The following GPALPP1 variants were observed in gnomAD, a reference collection of about 807,000 sequenced individuals.
GPALPP1 encodes the protein GPALPP motifs containing 1.
Under a neutral mutation model 38.9 loss-of-function variants are expected in GPALPP1, and 30 were observed. That is an observed-to-expected ratio of 0.77 (90% CI 0.58 to 1.05). The LOEUF is 1.05. Among genes scored for constraint, GPALPP1 ranks in the 50% least tolerant of loss-of-function variants. The probability of loss-of-function intolerance (pLI) is 0.00; values close to 1 mark genes in which losing one functional copy is unlikely to be tolerated. For missense variants in GPALPP1, 384 were observed against 408.8 expected (o/e 0.94, Z 0.52); for synonymous variants, 120 against 139.2 (o/e 0.86, Z 0.97).
chr13:44,993,612 G>A (rs1873012216), intron 1 of GPALPP1, among the ~76,000 whole-genome samples: 1 of 151,592 alleles, frequency 6.6e-6, no homozygotes, highest in South Asian at 2.1e-4. Context: ...TACCTGGGAG[G>A]TAGAGGTTGC....
At chr13:45,019,082 A>T (rs9567516) in intron 6 of GPALPP1, among the ~76,000 whole-genome samples, 75,038 of 114,496 alleles carry the variant, frequency 0.66, 29,058 homozygotes, top group Non-Finnish European at 0.81. Flanking sequence ...TATACATATA[A>T]ATATATGTAT....
At chr13:45,021,255 A>G (rs1875409103) in intron 7 of GPALPP1, among the ~76,000 whole-genome samples, 1 of 152,224 alleles carries the variant, frequency 6.6e-6, no homozygotes, top group African/African-American at 2.4e-5. Flanking sequence ...CCAGTGTATT[A>G]AAGAAAATTC....
chr13:44,992,931 T>C (rs1052153626), intron 1 of GPALPP1, among the ~76,000 whole-genome samples: 4 of 152,200 alleles, frequency 2.6e-5, no homozygotes, highest in African/African-American at 9.7e-5. Flanking sequence ...CCTATTCCCA[T>C]TAAACAATAA....
chr13:45,034,927 G>T (rs1172754380), downstream of GPALPP1: 3 of 147,018 alleles, frequency 2.0e-5, no homozygotes, highest in African/African-American at 5.0e-5. Flanking sequence ...GTAGAGACAG[G>T]GTTTCGCCAT....
At chr13:45,018,194 A>G (rs374515753) in intron 6 of GPALPP1, among the ~76,000 whole-genome samples, 12 of 152,082 alleles carry the variant, frequency 7.9e-5, no homozygotes, top group South Asian at 2.1e-4. Flanking sequence ...TCAGGAGATC[A>G]AGACCATCCT....
chr13:44,993,364 G>A (rs1255165650), intron 1 of GPALPP1, among the ~76,000 whole-genome samples: 6 of 152,156 alleles, frequency 3.9e-5, no homozygotes, highest in Admixed American at 6.5e-5. Flanking sequence ...GGCCGGGCAC[G>A]GTGACTCACA....
chr13:45,007,185 C>A (rs1285563594), intron 3 of GPALPP1, among the ~76,000 whole-genome samples: 2 of 152,042 alleles, frequency 1.3e-5, no homozygotes, highest in Non-Finnish European at 2.9e-5. Context: ...ATGTGGCTCT[C>A]AAAGCCTAAG....
intron 4 of GPALPP1, among the ~76,000 whole-genome samples, chr13:45,012,529 A>T (rs894209965): frequency 1.1e-4 from 16 of 152,140 alleles, no homozygotes; most frequent in Non-Finnish European, 1.6e-4. Context: ...GGGGAAAAAA[A>T]TTTTCAAAGG....
chr13:45,023,688 CTT>C (rs1480852056), intron 7 of GPALPP1, among the ~76,000 whole-genome samples: 1 of 152,168 alleles, frequency 6.6e-6, no homozygotes, highest in African/African-American at 2.4e-5. Flanking sequence ...GCTTCCAACT[CTT>C]GTTAGCCTGT....
At chr13:45,017,421 A>G (rs1199588587) in intron 6 of GPALPP1, among the ~76,000 whole-genome samples, 8 of 152,250 alleles carry the variant, frequency 5.3e-5, no homozygotes, top group South Asian at 4.1e-4. Context: ...TGTGGATCCA[A>G]GAGAGCCACA....
Position 44,989,584 on chromosome 13 carries a change from C to T in GPALPP1, c.-71C>T, listed in dbSNP as rs761136823. On this transcript the variant is annotated 5_prime_UTR_variant, in exon 1 of 8. Coordinates refer to ENST00000379151, the MANE Select transcript of GPALPP1 (RefSeq NM_018559.5). ...ACCTGCCATTCTTCGCTGCTGATCGCGGGATTCTTTTTGGATAGGGTTGAC... is the reference window on the plus strand; with the variant it reads ...ACCTGCCATTCTTCGCTGCTGATCGTGGGATTCTTTTTGGATAGGGTTGAC... The T allele has an allele frequency of 8.0e-6, 12 of 1,502,018 alleles. No individual in the cohort carries two copies. The highest frequency in any genetic ancestry group is 1.0e-5 in the Non-Finnish European group (11 of 1,084,280). The allele number at this position is 1,502,018 out of a possible 1,614,324, so 93.0% of individuals were successfully genotyped here. A position where few individuals can be genotyped will look rare whatever the true frequency, so the allele number is the denominator to read the frequency against.
intron 3 of GPALPP1, among the ~76,000 whole-genome samples, chr13:45,008,509 T>C (rs1474592330): frequency 2.6e-5 from 4 of 152,228 alleles, no homozygotes; most frequent in Non-Finnish European, 5.9e-5. Flanking sequence ...TTATTTAATA[T>C]AGTTCTTTTT....
chr13:45,006,756 A>T (rs1874130259), intron 3 of GPALPP1, among the ~76,000 whole-genome samples: 1 of 152,150 alleles, frequency 6.6e-6, no homozygotes, highest in South Asian at 2.1e-4. Context: ...GTTATCTGTA[A>T]GCTAGGATAA....
chr13:45,031,509 ATATTTAC>A (rs1337563754), downstream of GPALPP1: 1 of 152,172 alleles, frequency 6.6e-6, no homozygotes, highest in African/African-American at 2.4e-5. Flanking sequence ...TCTGTATTAT[ATATTTAC>A]TGTTTCATCC....
intron 4 of GPALPP1, among the ~76,000 whole-genome samples, chr13:45,010,732 C>T (rs766392552): frequency 6.6e-6 from 1 of 152,216 alleles, no homozygotes; most frequent in Non-Finnish European, 1.5e-5. Flanking sequence ...TGCCTGTAAT[C>T]CCACACTTTG....
intron 3 of GPALPP1, among the ~76,000 whole-genome samples, chr13:45,006,656 AG>A (rs1439816260): frequency 6.6e-6 from 1 of 152,176 alleles, no homozygotes; most frequent in Non-Finnish European, 1.5e-5. Flanking sequence ...CTTTTAATTC[AG>A]TTGTTTTCTT....
intron 6 of GPALPP1, among the ~76,000 whole-genome samples, chr13:45,018,108 T>C (rs1489332444): frequency 2.0e-5 from 3 of 152,138 alleles, no homozygotes; most frequent in Non-Finnish European, 4.4e-5. Context: ...TAAAAGAAGA[T>C]TGCTGTTGTC....
intron 6 of GPALPP1, among the ~76,000 whole-genome samples, chr13:45,018,213 T>C (rs868352575): frequency 4.6e-5 from 7 of 152,022 alleles, no homozygotes; most frequent in Non-Finnish European, 8.8e-5. Flanking sequence ...CTGGCTAACA[T>C]GGTGAAACCC....
chr13:45,032,897 C>T (rs1876270177), downstream of GPALPP1, among the ~76,000 whole-genome samples: 1 of 151,514 alleles, frequency 6.6e-6, no homozygotes, highest in African/African-American at 2.4e-5. Context: ...ATTAGCTGGG[C>T]ATGGCGGTGT....
Sources: gnomAD v4.1 joint callset for allele counts (sites outside exome capture counted in the v4.1 genomes callset) on GRCh38, gnomAD v4.1.1 for gene constraint, MANE v1.5 for transcripts, NCBI Gene and HGNC (gene_info 2026-07-23, HGNC 2026-07-21) for gene names.